Variants in LCP1 observed in about 807,000 individuals in gnomAD.
LCP1 encodes the protein plastin-2.
Under a neutral mutation model 72.0 loss-of-function variants are expected in LCP1, and 23 were observed. That is an observed-to-expected ratio of 0.32 (90% CI 0.23 to 0.45). The LOEUF is 0.45. LCP1 is among the 20% of genes least tolerant of loss of function. The pLI is 1.00. For synonymous variants in LCP1, 245 were observed against 275.4 expected, an observed-to-expected ratio of 0.89 and a Z score of 1.09; for missense variants, 571 against 748.3, an observed-to-expected ratio of 0.76 and a Z score of 2.76.
chr13:46,142,408 G>A lies in LCP1; in HGVS notation c.1386C>T (p.Tyr462=), dbSNP rs183205544. 87 of 1,613,620 alleles carry A rather than the reference G, an allele frequency of 5.4e-5. No individual in the cohort carries two copies. In the East Asian group the frequency reaches 8.5e-4, roughly 16 times the overall value. ...CTTGATTCTTCCCCAATTCTACCGC[G>A]TAGTTACAATTCTCAAGCTGAATGA... is the stretch of plus-strand genomic sequence containing the variant. ...GNMKKLENCN[Y]AVELGKNQAK... The change falls in exon 13 of 16, where the codon TAC becomes TAT. Residue 462 remains tyrosine, a synonymous_variant. Transcript: ENST00000323076.
At chr13:46,161,864 T>G (rs951740037) in intron 1 of LCP1, among the ~76,000 whole-genome samples, 1 of 152,190 alleles carries the variant, frequency 6.6e-6, no homozygotes, top group Non-Finnish European at 1.5e-5. Context: ...GTATCATCGG[T>G]TATACAATTC....
chr13:46,127,458 A>G lies in LCP1; in HGVS notation c.*133T>C. 2 of 1,151,190 alleles carry G rather than the reference A, an allele frequency of 1.7e-6. No individual in the cohort carries two copies. The highest frequency in any genetic ancestry group is 2.4e-5 in the East Asian group (1 of 41,376). The allele number at this position is 1,151,190 out of a possible 1,614,324, so 71.3% of individuals were successfully genotyped here. A position where few individuals can be genotyped will look rare whatever the true frequency, so the allele number is the denominator to read the frequency against. On this transcript the variant is annotated 3_prime_UTR_variant, in exon 16 of 16. Coordinates refer to ENST00000323076, the MANE Select transcript of LCP1 (RefSeq NM_002298.5). ...AATACAGGAGAGGCTACTTGGCTGC[A>G]CTAATATGTGCTTTTTGGAATCTTA...
At chr13:46,139,006 T>C (rs184869968) in intron 13 of LCP1, among the ~76,000 whole-genome samples, 2 of 152,210 alleles carry the variant, frequency 1.3e-5, no homozygotes, top group Non-Finnish European at 2.9e-5. Context: ...TTGAAACCCA[T>C]GAGTCAGTTT....
chr13:46,131,940 C>T (rs534768402), intron 14 of LCP1, among the ~76,000 whole-genome samples: 27 of 151,628 alleles, frequency 1.8e-4, no homozygotes, highest in Non-Finnish European at 3.5e-4. Context: ...TCAATGGAAA[C>T]CCAAACCTCA....
chr13:46,145,095 G>T (rs561668012), intron 10 of LCP1, among the ~76,000 whole-genome samples: 1 of 152,298 alleles, frequency 6.6e-6, no homozygotes, highest in Admixed American at 6.5e-5. Flanking sequence ...GTTTGGTCAG[G>T]GGTGTGTGTT....
intron 9 of LCP1, among the ~76,000 whole-genome samples, chr13:46,147,512 TA>T (rs1157109930): frequency 6.6e-6 from 1 of 152,228 alleles, no homozygotes; most frequent in Non-Finnish European, 1.5e-5. Flanking sequence ...TATATTCCCA[TA>T]ACCAGTTCAC....
At chr13:46,161,370 AATTTT>A (rs1234552414) in intron 1 of LCP1, among the ~76,000 whole-genome samples, 1 of 152,198 alleles carries the variant, frequency 6.6e-6, no homozygotes, top group Admixed American at 6.5e-5. Context: ...TATCAATAAA[AATTTT>A]ATTTTATTAT....
At chr13:46,156,359 C>G in intron 5 of LCP1, 79 bp downstream of exon 5, 1 of 1,558,982 alleles carries the variant, frequency 6.4e-7, no homozygotes, top group Non-Finnish European at 8.8e-7. Flanking sequence ...CAAAGTTGGC[C>G]TACGATAAAT....
In LCP1 at chr13:46,145,684, C is replaced by T. The variant is rs573769235; in HGVS notation, c.1175-1164G>A. Among the ~76,000 whole-genome samples, 7 of 131,656 alleles carry T rather than the reference C, an allele frequency of 5.3e-5. 1 individual carries two copies. The highest frequency in any genetic ancestry group is 1.1e-4 in the Non-Finnish European group (7 of 62,376). 86.4% of individuals were successfully genotyped at this position (131,656 alleles called of 152,430 possible). ...CAGCACTTTGGGAGGCCGAGGCGGG[C>T]GGATCACGAGGTCAGGAGATCGAGA... On this transcript the variant is annotated intron_variant, in intron 10 of 15. Transcript: ENST00000323076.
intron 4 of LCP1, among the ~76,000 whole-genome samples, chr13:46,157,109 C>T (rs1303997353): frequency 2.0e-5 from 3 of 151,602 alleles, no homozygotes; most frequent in African/African-American, 4.8e-5. Flanking sequence ...TGTGAGCCAC[C>T]GCGCCCGGCC....
At chr13:46,152,189 CTCTA>C (rs955676908) in intron 7 of LCP1, among the ~76,000 whole-genome samples, 3 of 152,202 alleles carry the variant, frequency 2.0e-5, no homozygotes, top group African/African-American at 4.8e-5. Flanking sequence ...TCATTTCTCT[CTCTA>C]TCTCTTTCTT....
rs553804385 is a variant in LCP1 at position 46,126,446 on chromosome 13, C to T, written c.*1145G>A. The T allele has an allele frequency of 3.9e-5, 9 of 232,536 alleles. No homozygotes were observed. Among genetic ancestry groups the T allele is most frequent in the Admixed American group, 1.1e-4 (2 of 17,752 alleles). The allele number at this position is 232,536 out of a possible 1,614,324, so 14.4% of individuals were successfully genotyped here. A position where few individuals can be genotyped will look rare whatever the true frequency, so the allele number is the denominator to read the frequency against. The stretch of plus-strand genomic sequence containing the variant: ...CTTATCCAGCATAGATTCATTCTGC[C>T]CTTGACAGCTGGCTAGGTGTGTGTG... On this transcript the variant is annotated 3_prime_UTR_variant, in exon 16 of 16. Coordinates refer to ENST00000323076, the MANE Select transcript of LCP1 (RefSeq NM_002298.5).
chr13:46,173,343 T>C (rs755637640), intron 1 of LCP1, among the ~76,000 whole-genome samples: 2 of 152,130 alleles, frequency 1.3e-5, no homozygotes, highest in African/African-American at 2.4e-5. Context: ...GTTCATTTCA[T>C]AGGGCAGCAT....
chr13:46,159,533 G>A, intron 2 of LCP1, 66 bp downstream of exon 2: 1 of 1,312,264 alleles, frequency 7.6e-7, no homozygotes, highest in Non-Finnish European at 1.1e-6. Context: ...CCATTTCATT[G>A]AATCTACCCT....
intron 1 of LCP1, among the ~76,000 whole-genome samples, chr13:46,171,037 A>G (rs1478366034): frequency 6.6e-6 from 1 of 152,222 alleles, no homozygotes; most frequent in Admixed American, 6.5e-5. Context: ...AAGCCTATCT[A>G]TTTGGAGTCA....
chr13:46,159,761 C>T, intron 1 of LCP1, 75 bp from the exon 2 acceptor site: 1 of 807,966 alleles, frequency 1.2e-6, no homozygotes, highest in Non-Finnish European at 2.1e-6. Flanking sequence ...GAAGCAATTC[C>T]CATTTATTAC....
chr13:46,145,005 G>T (rs1480850336), intron 10 of LCP1, among the ~76,000 whole-genome samples: 3 of 152,200 alleles, frequency 2.0e-5, no homozygotes, highest in African/African-American at 7.2e-5. Context: ...GAGATAGCAA[G>T]GGGTGGGAGT....
chr13:46,144,506 C>T lies in LCP1; in HGVS notation c.1189G>A (p.Glu397Lys). ...TTCATCCAGTTCCTAAATGTCCGCT[C>T]TTCTCTCGTCTCACCTAGATGAATG... is the stretch of plus-strand genomic sequence containing the variant. ...WGALEGETRE[E>K]RTFRNWMNSL... The change falls in exon 11 of 16, where the codon GAG becomes AAG. Residue 397 changes from glutamate (E) to lysine (K), a missense_variant. Glu to Lys is a moderately conservative substitution (Grantham distance 56). Transcript: ENST00000323076. 1.2e-6 allele frequency: 2 copies of T among 1,613,520 alleles called. No individual in the cohort carries two copies. Among genetic ancestry groups the T allele is most frequent in the Non-Finnish European group, 1.7e-6 (2 of 1,179,448 alleles).
chr13:46,139,839 C>T (rs938682828), intron 13 of LCP1, among the ~76,000 whole-genome samples: 3 of 151,978 alleles, frequency 2.0e-5, no homozygotes, highest in Non-Finnish European at 4.4e-5. Context: ...ATATTCAGTT[C>T]CAAAACATAT....
Sources: allele counts gnomAD v4.1 joint callset (sites outside exome capture counted in the v4.1 genomes callset), GRCh38; gene constraint gnomAD v4.1.1; transcripts MANE v1.5; gene names NCBI Gene and HGNC (gene_info 2026-07-23, HGNC 2026-07-21).